Variants in METAP1 observed in about 807,000 individuals in gnomAD.
The protein encoded by METAP1 is methionine aminopeptidase 1.
Under a neutral mutation model 53.8 loss-of-function variants are expected in METAP1, and 28 were observed. The observed-to-expected ratio is 0.52, with a 90% CI of 0.39 to 0.71. The LOEUF (loss-of-function observed/expected upper bound fraction) is 0.71, where lower values mean the gene tolerates loss of function less well. METAP1 is among the 30% of genes least tolerant of loss of function. METAP1 has a pLI of 0.00. For synonymous variants in METAP1, 181 were observed against 165.7 expected, an observed-to-expected ratio of 1.09 and a Z score of -0.71; for missense variants, 389 against 479.8, an observed-to-expected ratio of 0.81 and a Z score of 1.77.
intron 5 of METAP1, 110 bp downstream of exon 5, chr4:99,039,575 A>C (rs1579305458): frequency 3.2e-5 from 18 of 571,088 alleles, no homozygotes; most frequent in Admixed American, 3.5e-5. Context: ...TGTTAGACTG[A>C]CCAGCCATGC....
intron 1 of METAP1, among the ~76,000 whole-genome samples, chr4:99,004,536 C>T (rs527978659): frequency 1.3e-4 from 20 of 150,658 alleles, no homozygotes; most frequent in Non-Finnish European, 2.7e-4. Flanking sequence ...AAATCATCCA[C>T]GGGATCTAAA....
At chr4:99,052,975 T>C (rs1428956140) in intron 9 of METAP1, among the ~76,000 whole-genome samples, 3 of 152,230 alleles carry the variant, frequency 2.0e-5, no homozygotes, top group Non-Finnish European at 4.4e-5. Flanking sequence ...AACTACTTTC[T>C]TTGTTTATCT....
chr4:99,050,640 T>C (rs116299232), intron 9 of METAP1, among the ~76,000 whole-genome samples: 1,544 of 152,288 alleles, frequency 0.01, 26 homozygotes, highest in African/African-American at 0.035. Flanking sequence ...AAGCGAGCTT[T>C]ACCACCTGAG....
chr4:99,037,665 C>T (rs1725530591), intron 4 of METAP1: 1 of 151,830 alleles, frequency 6.6e-6, no homozygotes, highest in Non-Finnish European at 1.5e-5. Flanking sequence ...TTTATTAACC[C>T]ATTTGTCTAA....
intron 1 of METAP1, chr4:99,025,380 G>C: frequency 3.0e-6 from 3 of 985,332 alleles, no homozygotes; most frequent in Non-Finnish European, 3.6e-6. Context: ...GAAATAACTT[G>C]TTCTAGAAGT....
chr4:99,049,563 T>C (rs908745572), intron 9 of METAP1, among the ~76,000 whole-genome samples: 2 of 152,152 alleles, frequency 1.3e-5, no homozygotes, highest in African/African-American at 2.4e-5. Context: ...AAGTGTAAGA[T>C]AGATAATATC....
chr4:99,008,717 G>GT (rs1328752074), intron 1 of METAP1, among the ~76,000 whole-genome samples: 5 of 152,138 alleles, frequency 3.3e-5, no homozygotes, highest in Non-Finnish European at 4.4e-5. Flanking sequence ...CTATGTCTTG[G>GT]TAGTGGTGTG....
At position 99,036,975 on chromosome 4, in the gene METAP1, G is replaced by A. The variant is rs200590085; in HGVS notation, c.340+1515G>A. The stretch of plus-strand genomic sequence containing the variant: ...TCTCTTTTCTGCTATATTTTTCGCA[G>A]CATAGTGTGTTACAAAGCTTTATGA... On this transcript the variant is annotated intron_variant, in intron 4 of 10. Transcript: ENST00000296411. Among the ~76,000 whole-genome samples the A allele has an allele frequency of 8.6e-5, 13 of 152,020 alleles. No individual in the cohort carries two copies. The East Asian group carries it at 2.5e-3, about 29-fold the overall frequency.
At chr4:99,057,440 C>T (rs1213051612) in intron 9 of METAP1, among the ~76,000 whole-genome samples, 2 of 152,174 alleles carry the variant, frequency 1.3e-5, no homozygotes, top group Non-Finnish European at 2.9e-5. Context: ...GAAATCAAGG[C>T]ACTTTTCTTT....
chr4:99,012,618 T>G (rs1016959639), intron 1 of METAP1, among the ~76,000 whole-genome samples: 1 of 151,156 alleles, frequency 6.6e-6, no homozygotes, highest in Admixed American at 6.6e-5. Context: ...CTGTAGACTT[T>G]CCTTTTAAAA....
At chr4:99,005,756 A>G (rs1397225163) in intron 1 of METAP1, 2 of 430,304 alleles carry the variant, frequency 4.6e-6, no homozygotes, top group Admixed American at 2.7e-5. Flanking sequence ...GAATGAAATA[A>G]TATCTTTTGC....
At chr4:99,002,887 G>A (rs1453070356) in intron 1 of METAP1, among the ~76,000 whole-genome samples, 1 of 151,372 alleles carries the variant, frequency 6.6e-6, no homozygotes, top group Non-Finnish European at 1.5e-5. Context: ...TCAACATGGG[G>A]AAACCCCGTT....
intron 9 of METAP1, among the ~76,000 whole-genome samples, chr4:99,054,907 A>G (rs1726985365): frequency 6.6e-6 from 1 of 152,174 alleles, no homozygotes; most frequent in Non-Finnish European, 1.5e-5. Context: ...AACAATTAAA[A>G]TTTTAACATC....
At chr4:99,021,445 G>A (rs1724102106) in intron 1 of METAP1, among the ~76,000 whole-genome samples, 1 of 152,136 alleles carries the variant, frequency 6.6e-6, no homozygotes, top group South Asian at 2.1e-4. Flanking sequence ...GCAGCTGGGT[G>A]CCTCCCCACA....
intron 10 of METAP1, among the ~76,000 whole-genome samples, chr4:99,059,726 C>G (rs1334140504): frequency 1.3e-5 from 2 of 151,828 alleles, no homozygotes; most frequent in Non-Finnish European, 2.9e-5. Flanking sequence ...TCATTATGAC[C>G]CCTTCACCCC....
chr4:99,058,241 G>A (rs1579344156), intron 10 of METAP1, among the ~76,000 whole-genome samples: 1 of 152,258 alleles, frequency 6.6e-6, no homozygotes, highest in African/African-American at 2.4e-5. Context: ...TAAGGTAGGT[G>A]TTACCCCATT....
intron 2 of METAP1, 35 bp from the exon 3 acceptor site, chr4:99,034,195 C>T: frequency 1.6e-6 from 2 of 1,262,152 alleles, no homozygotes; most frequent in Non-Finnish European, 2.3e-6. Flanking sequence ...CCTCCTTCTC[C>T]TCCTTCCTCT....
intron 1 of METAP1, among the ~76,000 whole-genome samples, chr4:99,020,362 G>A (rs1343261968): frequency 2.6e-5 from 4 of 151,980 alleles, no homozygotes; most frequent in Admixed American, 2.6e-4. Context: ...AGAGGGAAGA[G>A]CTGAGAAGCC....
At chr4:99,006,174 CA>C (rs921323537) in intron 1 of METAP1, among the ~76,000 whole-genome samples, 1 of 152,066 alleles carries the variant, frequency 6.6e-6, no homozygotes, top group Non-Finnish European at 1.5e-5. Flanking sequence ...AGTACACTTG[CA>C]AAAATTTAAA....
Sources: allele counts gnomAD v4.1 joint callset (sites outside exome capture counted in the v4.1 genomes callset), GRCh38; gene constraint gnomAD v4.1.1; transcripts MANE v1.5; gene names NCBI Gene and HGNC (gene_info 2026-07-23, HGNC 2026-07-21).